SPMAP2L: variants seen among roughly 807,000 people sequenced by gnomAD.
SPMAP2L encodes sperm microtubule associated protein 2 like, also known as sperm microtubule associated protein 2-like.
chr4:56,553,776 G>C, the SPMAP2L span, among the ~76,000 whole-genome samples: 1 of 151,986 alleles, frequency 6.6e-6, no homozygotes, highest in Non-Finnish European at 1.5e-5. Context: ...CACCATTATA[G>C]TATCATACAG....
the SPMAP2L span, among the ~76,000 whole-genome samples, chr4:56,600,582 G>C: frequency 3.3e-5 from 5 of 152,162 alleles, no homozygotes; most frequent in Non-Finnish European, 7.3e-5. Context: ...AGCAACCAAC[G>C]CATCCAGCCC....
At chr4:56,593,227 C>T in the SPMAP2L span, 1 of 1,319,484 alleles carries the variant, frequency 7.6e-7, no homozygotes, top group Non-Finnish European at 1.1e-6. Context: ...CAGGCCTGGA[C>T]ATGGCCAGTG....
the SPMAP2L span, chr4:56,596,691 T>C: frequency 1.4e-6 from 2 of 1,433,926 alleles, no homozygotes; most frequent in South Asian, 3.0e-5. Context: ...TAGGATGCTA[T>C]TTTGCCTCTA....
At chr4:56,538,598 T>C in the SPMAP2L span, among the ~76,000 whole-genome samples, 8 of 151,750 alleles carry the variant, frequency 5.3e-5, no homozygotes, top group Non-Finnish European at 1.2e-4. Context: ...AGGTCAGGAG[T>C]TCAAGACCAG....
chr4:56,602,455 G>A, the SPMAP2L span, among the ~76,000 whole-genome samples: 1 of 152,188 alleles, frequency 6.6e-6, no homozygotes, highest in Non-Finnish European at 1.5e-5. Flanking sequence ...CAGTTTGGGA[G>A]GCCAAAGCAG....
chr4:56,548,768 T>C, the SPMAP2L span: 24 of 1,476,550 alleles, frequency 1.6e-5, no homozygotes, highest in South Asian at 4.0e-5. Context: ...TAATTTTTGC[T>C]TTTACTTTTG....
the SPMAP2L span, among the ~76,000 whole-genome samples, chr4:56,567,852 G>C: frequency 6.6e-6 from 1 of 151,392 alleles, no homozygotes; most frequent in South Asian, 2.1e-4. Flanking sequence ...TCTTCTGTTT[G>C]GGGTTCATTA....
chr4:56,583,406 C>G, the SPMAP2L span, among the ~76,000 whole-genome samples: 1 of 152,114 alleles, frequency 6.6e-6, no homozygotes. Context: ...GGTTGCATAT[C>G]TTTGTGAATA....
At chr4:56,545,005 A>G in the SPMAP2L span, among the ~76,000 whole-genome samples, 1 of 152,222 alleles carries the variant, frequency 6.6e-6, no homozygotes, top group Non-Finnish European at 1.5e-5. Context: ...TGCTGTCCAC[A>G]CAGACCCGCC....
At chr4:56,601,635 G>C in the SPMAP2L span, among the ~76,000 whole-genome samples, 2 of 151,970 alleles carry the variant, frequency 1.3e-5, no homozygotes, top group African/African-American at 4.8e-5. Context: ...GGTGGCATGT[G>C]CCTGTAGTTC....
chr4:56,598,741 GT>G, the SPMAP2L span, among the ~76,000 whole-genome samples: 1 of 152,076 alleles, frequency 6.6e-6, no homozygotes, highest in Non-Finnish European at 1.5e-5. Context: ...GGCAGATCAT[GT>G]AGGGCCTTGT....
At chr4:56,599,604 C>T in the SPMAP2L span, among the ~76,000 whole-genome samples, 1 of 152,120 alleles carries the variant, frequency 6.6e-6, no homozygotes, top group Non-Finnish European at 1.5e-5. Context: ...CTCTCTGTGT[C>T]CATGCATTCT....
chr4:56,595,665 C>T, the SPMAP2L span: 5 of 1,153,556 alleles, frequency 4.3e-6, 1 homozygote, highest in South Asian at 6.1e-5. Flanking sequence ...TTGTACCTGC[C>T]CACCCATGGA....
At chr4:56,597,171 C>T in the SPMAP2L span, among the ~76,000 whole-genome samples, 1 of 152,080 alleles carries the variant, frequency 6.6e-6, no homozygotes, top group Non-Finnish European at 1.5e-5. Flanking sequence ...AAGGAGTCAA[C>T]CAAGTGAAGA....
At chr4:56,541,726 G>T in the SPMAP2L span, among the ~76,000 whole-genome samples, 7 of 152,272 alleles carry the variant, frequency 4.6e-5, no homozygotes, top group South Asian at 1.5e-3. Context: ...AAATACCTCA[G>T]TATGCATCTC....
the SPMAP2L span, among the ~76,000 whole-genome samples, chr4:56,591,076 A>C: frequency 6.6e-6 from 1 of 152,222 alleles, no homozygotes; most frequent in Non-Finnish European, 1.5e-5. Flanking sequence ...TTGTGTCCCC[A>C]TCCAAATCTC....
chr4:56,556,316 G>A, the SPMAP2L span, among the ~76,000 whole-genome samples: 1 of 152,332 alleles, frequency 6.6e-6, no homozygotes, highest in Admixed American at 6.5e-5. Context: ...ACAGGACCTA[G>A]TGACAAATGA....
chr4:56,585,109 A>ATATCCCCATTCC, the SPMAP2L span, among the ~76,000 whole-genome samples: 1 of 152,184 alleles, frequency 6.6e-6, no homozygotes, highest in African/African-American at 2.4e-5. Context: ...ATCTGCCTAT[A>ATATCCCCATTCC]TATCCCCATT....
chr4:56,579,952 T>G, the SPMAP2L span, among the ~76,000 whole-genome samples: 1 of 152,194 alleles, frequency 6.6e-6, no homozygotes, highest in Non-Finnish European at 1.5e-5. Context: ...AAGCTTCCTA[T>G]GAAGAACAGC....
Sources: allele counts gnomAD v4.1 joint callset (sites outside exome capture counted in the v4.1 genomes callset), GRCh38; gene constraint gnomAD v4.1.1; transcripts MANE v1.5; gene names NCBI Gene and HGNC (gene_info 2026-07-23, HGNC 2026-07-21).